The following STXBP5L variants were observed in gnomAD, a reference collection of about 807,000 sequenced individuals.
STXBP5L encodes the protein syntaxin-binding protein 5-like.
In STXBP5L, 65 loss-of-function variants were observed where a neutral mutation model predicts 144.5. That is an observed-to-expected ratio of 0.45 (90% CI 0.37 to 0.55). The LOEUF (loss-of-function observed/expected upper bound fraction) is 0.55. Among genes scored for constraint, STXBP5L ranks in the 20% least tolerant of loss-of-function variants. The probability of loss-of-function intolerance (pLI) is 0.00; values close to 1 mark genes in which losing one functional copy is unlikely to be tolerated. For missense variants in STXBP5L, 1,298 were observed against 1,405.5 expected (o/e 0.92, Z 1.22); for synonymous variants, 505 against 469.6 (o/e 1.08, Z -0.97).
chr3:121,334,632 C>G (rs1351461592), intron 20 of STXBP5L, among the ~76,000 whole-genome samples: 4 of 151,266 alleles, frequency 2.6e-5, no homozygotes, highest in South Asian at 2.1e-4. Context: ...CATCAAAAAG[C>G]TATTCCACCA....
intron 7 of STXBP5L, among the ~76,000 whole-genome samples, chr3:121,121,954 G>A (rs894490497): frequency 4.6e-5 from 7 of 150,748 alleles, no homozygotes; most frequent in African/African-American, 1.5e-4. Context: ...TTTTGAGAAC[G>A]ATAACATGTA....
chr3:121,117,902 A>T (rs1161120828), intron 6 of STXBP5L, among the ~76,000 whole-genome samples: 1 of 151,796 alleles, frequency 6.6e-6, no homozygotes, highest in African/African-American at 2.4e-5. Context: ...CATAGAACTA[A>T]ACTATCATTA....
chr3:121,112,974 T>C (rs2044062753), intron 5 of STXBP5L, among the ~76,000 whole-genome samples: 1 of 151,678 alleles, frequency 6.6e-6, no homozygotes, highest in South Asian at 2.1e-4. Flanking sequence ...TTTGGGGGGG[T>C]TCAGTTAAAA....
intron 17 of STXBP5L, 35 bp downstream of exon 17, chr3:121,257,368 G>T: frequency 6.4e-7 from 1 of 1,552,770 alleles, no homozygotes; most frequent in East Asian, 2.3e-5. Flanking sequence ...AACAATTTTA[G>T]ATATTAATCA....
rs199822272 is a variant in STXBP5L at position 121,417,449 on chromosome 3, G to GT, written c.3227-879dup. On this transcript the variant is annotated intron_variant, in intron 25 of 26. Coordinates refer to ENST00000471454, the MANE Select transcript of STXBP5L (RefSeq NM_001308330.2). ...TAACTAAATTTCTGCCAAAATAGCT[G>GT]TTTTTTTTTCCTTAAAAATAAAAAT... is the stretch of plus-strand genomic sequence containing the variant. Among the ~76,000 whole-genome samples, 245 of 150,328 alleles carry GT rather than the reference G, an allele frequency of 1.6e-3. 2 individuals are homozygous for GT. The highest frequency in any genetic ancestry group is 6.9e-3 in the Middle Eastern group (2 of 290).
At chr3:121,050,844 C>G (rs1238158850) in intron 5 of STXBP5L, among the ~76,000 whole-genome samples, 1 of 152,116 alleles carries the variant, frequency 6.6e-6, no homozygotes, top group African/African-American at 2.4e-5. Flanking sequence ...AAACCCATCT[C>G]ATGTGCAGAG....
At chr3:121,193,761 G>A (rs1440547769) in intron 9 of STXBP5L, among the ~76,000 whole-genome samples, 1 of 152,062 alleles carries the variant, frequency 6.6e-6, no homozygotes, top group African/African-American at 2.4e-5. Context: ...CTCATAGGTG[G>A]GAATTGAACA....
intron 9 of STXBP5L, among the ~76,000 whole-genome samples, chr3:121,179,756 G>T (rs564592957): frequency 6.6e-6 from 1 of 152,122 alleles, no homozygotes; most frequent in East Asian, 1.9e-4. Flanking sequence ...CACAACTTCT[G>T]GAAATGAAAG....
chr3:121,178,725 A>C (rs996586445), intron 9 of STXBP5L, among the ~76,000 whole-genome samples: 2 of 152,132 alleles, frequency 1.3e-5, no homozygotes, highest in African/African-American at 4.8e-5. Context: ...ATGGTGCAAA[A>C]TATGAAAGTA....
intron 19 of STXBP5L, among the ~76,000 whole-genome samples, chr3:121,315,485 TG>T (rs1423124616): frequency 1.8e-5 from 1 of 55,012 alleles, no homozygotes; most frequent in Non-Finnish European, 3.5e-5. Context: ...GGGACTGTTG[TG>T]GGGTGGGGAG....
intron 11 of STXBP5L, among the ~76,000 whole-genome samples, chr3:121,232,771 T>A (rs2049348680): frequency 6.6e-6 from 1 of 152,130 alleles, no homozygotes; most frequent in Admixed American, 6.6e-5. Context: ...AGATGTCAAA[T>A]CTGTCTCCCC....
intron 3 of STXBP5L, among the ~76,000 whole-genome samples, chr3:121,005,159 TG>T (rs1944171960): frequency 6.6e-6 from 1 of 152,142 alleles, no homozygotes; most frequent in Non-Finnish European, 1.5e-5. Flanking sequence ...TGGTAGAATT[TG>T]GCTGTGAATC....
At chr3:121,285,699 C>A (rs1382880769) in intron 19 of STXBP5L, among the ~76,000 whole-genome samples, 1 of 152,060 alleles carries the variant, frequency 6.6e-6, no homozygotes, top group Non-Finnish European at 1.5e-5. Context: ...AGAAGATTTA[C>A]ATTGTTTTAC....
intron 18 of STXBP5L, among the ~76,000 whole-genome samples, chr3:121,277,320 T>TCCCA (rs1263167646): frequency 3.3e-5 from 5 of 152,034 alleles, no homozygotes; most frequent in Non-Finnish European, 5.9e-5. Flanking sequence ...CTTCCAAAGT[T>TCCCA]CCCACCTCTT....
chr3:120,977,601 T>A (rs756082031), intron 3 of STXBP5L, among the ~76,000 whole-genome samples: 190 of 152,302 alleles, frequency 1.2e-3, no homozygotes, highest in Middle Eastern at 3.4e-3. Flanking sequence ...TGTTAGCTGG[T>A]TATTTTGCTC....
chr3:121,265,153 C>G (rs2050520697), intron 18 of STXBP5L, among the ~76,000 whole-genome samples: 1 of 152,146 alleles, frequency 6.6e-6, no homozygotes, highest in Non-Finnish European at 1.5e-5. Flanking sequence ...CTCTCCACCC[C>G]ACATCAATGA....
intron 20 of STXBP5L, among the ~76,000 whole-genome samples, chr3:121,358,280 T>A: frequency 1.7e-5 from 1 of 57,750 alleles, no homozygotes; most frequent in East Asian, 1.5e-3. Context: ...CTTCTCACCC[T>A]CTGGTAATTT....
At chr3:121,303,884 G>T (rs187847949) in intron 19 of STXBP5L, among the ~76,000 whole-genome samples, 1 of 152,048 alleles carries the variant, frequency 6.6e-6, no homozygotes, top group Admixed American at 6.6e-5. Context: ...GTTGTGGGGT[G>T]GGGGGAGTGG....
intron 3 of STXBP5L, among the ~76,000 whole-genome samples, chr3:120,970,122 G>A (rs916645808): frequency 2.0e-5 from 3 of 151,858 alleles, no homozygotes; most frequent in African/African-American, 4.8e-5. Context: ...TTCAGTTTAC[G>A]TCTTTTTATA....
Sources: allele counts gnomAD v4.1 joint callset (sites outside exome capture counted in the v4.1 genomes callset), GRCh38; gene constraint gnomAD v4.1.1; transcripts MANE v1.5; gene names NCBI Gene and HGNC (gene_info 2026-07-23, HGNC 2026-07-21).